The following SGCZ variants were observed in gnomAD, a reference collection of about 807,000 sequenced individuals.
SGCZ encodes sarcoglycan zeta.
Under a neutral mutation model 41.3 loss-of-function variants are expected in SGCZ, and 40 were observed. The ratio of observed to expected loss-of-function variants is 0.97; its 90% CI spans 0.75 to 1.26. The LOEUF is 1.26. Among genes scored for constraint, SGCZ ranks in the 50% most tolerant of loss-of-function variants. SGCZ has a pLI of 0.00. For missense variants in SGCZ, 552 were observed against 369.8 expected (o/e 1.49, Z -4.04); for synonymous variants, 206 against 137.5 (o/e 1.50, Z -3.49).
At chr8:14,321,696 C>G (rs1298940602) in intron 3 of SGCZ, among the ~76,000 whole-genome samples, 1 of 152,088 alleles carries the variant, frequency 6.6e-6, no homozygotes, top group Admixed American at 6.6e-5. Context: ...CTCAGCTTCA[C>G]TGAATCTTCC....
At chr8:14,309,473 G>C in intron 3 of SGCZ, 3 of 1,605,980 alleles carry the variant, frequency 1.9e-6, no homozygotes, top group Non-Finnish European at 2.6e-6. Context: ...TGTATGTGGC[G>C]CTGTTGTTAA....
At chr8:14,673,850 A>G (rs2117518245) in intron 1 of SGCZ, among the ~76,000 whole-genome samples, 1 of 152,336 alleles carries the variant, frequency 6.6e-6, no homozygotes, top group Middle Eastern at 3.4e-3. Flanking sequence ...GAAAACTAAA[A>G]GTAAACACAA....
At chr8:14,176,703 G>T (rs1048004584) in intron 4 of SGCZ, among the ~76,000 whole-genome samples, 1 of 152,104 alleles carries the variant, frequency 6.6e-6, no homozygotes, top group Admixed American at 6.5e-5. Flanking sequence ...GGTTCAAGTG[G>T]GTGGGGGGCC....
intron 2 of SGCZ, among the ~76,000 whole-genome samples, chr8:14,457,235 G>T (rs905716026): frequency 2.0e-5 from 3 of 152,186 alleles, no homozygotes; most frequent in African/African-American, 7.2e-5. Context: ...ACAGAGATAG[G>T]AGCTGAGGGG....
chr8:14,368,323 T>G (rs370205136), intron 2 of SGCZ, among the ~76,000 whole-genome samples: 1 of 152,050 alleles, frequency 6.6e-6, no homozygotes, highest in African/African-American at 2.4e-5. Context: ...TAAGAAAAGA[T>G]ATTTAGAAGA....
intron 1 of SGCZ, among the ~76,000 whole-genome samples, chr8:14,610,977 C>G (rs1355264255): frequency 1.3e-5 from 2 of 152,002 alleles, no homozygotes; most frequent in Non-Finnish European, 2.9e-5. Context: ...TTCCTGTTTT[C>G]TTTGATAGGC....
At chr8:15,156,057 CA>C (rs67378130) in intron 1 of SGCZ, among the ~76,000 whole-genome samples, 40,177 of 110,654 alleles carry the variant, frequency 0.36, 7,324 homozygotes, top group Middle Eastern at 0.46. Flanking sequence ...GATTCCCTCT[CA>C]AAAAAAAAAA....
chr8:14,548,013 G>C (rs993819499), intron 2 of SGCZ, among the ~76,000 whole-genome samples: 31 of 152,128 alleles, frequency 2.0e-4, no homozygotes, highest in African/African-American at 7.5e-4. Flanking sequence ...AAGATGGAAG[G>C]GCAGAATATG....
intron 4 of SGCZ, among the ~76,000 whole-genome samples, chr8:14,196,212 A>T (rs1258983569): frequency 1.3e-5 from 2 of 152,064 alleles, no homozygotes; most frequent in African/African-American, 4.8e-5. Context: ...TAAAATAATG[A>T]AGCAACTAAA....
At chr8:15,079,784 T>G (rs1417003367) in intron 1 of SGCZ, among the ~76,000 whole-genome samples, 1 of 152,086 alleles carries the variant, frequency 6.6e-6, no homozygotes, top group Non-Finnish European at 1.5e-5. Context: ...ATTAAATAGG[T>G]ATATTGTGTG....
At chr8:14,931,769 G>T (rs1799928707) in intron 1 of SGCZ, among the ~76,000 whole-genome samples, 1 of 151,922 alleles carries the variant, frequency 6.6e-6, no homozygotes, top group Non-Finnish European at 1.5e-5. Flanking sequence ...TTGTCCAAGG[G>T]TTGAACATTT....
intron 1 of SGCZ, among the ~76,000 whole-genome samples, chr8:15,059,005 C>T (rs867389752): frequency 3.9e-5 from 6 of 152,016 alleles, no homozygotes; most frequent in Admixed American, 2.6e-4. Context: ...CTCTCTGGGT[C>T]ACATTTTTTA....
At chr8:14,194,183 G>C (rs1215348203) in intron 4 of SGCZ, among the ~76,000 whole-genome samples, 1 of 151,732 alleles carries the variant, frequency 6.6e-6, no homozygotes, top group Non-Finnish European at 1.5e-5. Context: ...GCCTTTAAAA[G>C]GTAAATATTA....
rs569833933 is a variant in SGCZ at position 14,190,169 on chromosome 8, C to T, written c.425-25467G>A. Among the ~76,000 whole-genome samples the T allele has an allele frequency of 3.1e-4, 47 of 151,776 alleles. No individual in the cohort carries two copies. In the East Asian group the frequency reaches 7.4e-3, roughly 24 times the overall value. On this transcript the variant is annotated intron_variant, in intron 4 of 7. Coordinates refer to ENST00000382080, the MANE Select transcript of SGCZ (RefSeq NM_139167.4). Reference sequence around the variant, plus strand: ...CTGGGACTACAGGCGCCCGCCACCACGCCCGGCTAATTCTTTGTATTTTTA... The same window carrying T: ...CTGGGACTACAGGCGCCCGCCACCATGCCCGGCTAATTCTTTGTATTTTTA...
chr8:14,489,238 G>T (rs946632129), intron 2 of SGCZ, among the ~76,000 whole-genome samples: 11 of 151,916 alleles, frequency 7.2e-5, no homozygotes. Flanking sequence ...CGGGAACAAC[G>T]ATTTGTAAAA....
At chr8:14,448,779 T>C (rs903663729) in intron 2 of SGCZ, among the ~76,000 whole-genome samples, 7 of 152,094 alleles carry the variant, frequency 4.6e-5, no homozygotes, top group Admixed American at 6.6e-5. Context: ...CTCTCCTCAG[T>C]TCAACGTCTG....
intron 1 of SGCZ, among the ~76,000 whole-genome samples, chr8:14,972,415 T>G (rs1253767373): frequency 1.3e-5 from 2 of 152,192 alleles, no homozygotes; most frequent in African/African-American, 4.8e-5. Flanking sequence ...AATGTGTGTT[T>G]CTTGTAGGCA....
At chr8:15,051,601 T>C (rs1804515724) in intron 1 of SGCZ, among the ~76,000 whole-genome samples, 1 of 152,174 alleles carries the variant, frequency 6.6e-6, no homozygotes, top group Non-Finnish European at 1.5e-5. Flanking sequence ...TTTTCCAAAG[T>C]ACTTGTTCCA....
chr8:14,145,908 A>C (rs79255543), intron 5 of SGCZ, among the ~76,000 whole-genome samples: 1 of 152,170 alleles, frequency 6.6e-6, no homozygotes, highest in Non-Finnish European at 1.5e-5. Context: ...AGAGGAGGCA[A>C]AAGAATAAAA....
Sources: allele counts gnomAD v4.1 joint callset (sites outside exome capture counted in the v4.1 genomes callset), GRCh38; gene constraint gnomAD v4.1.1; transcripts MANE v1.5; gene names NCBI Gene and HGNC (gene_info 2026-07-23, HGNC 2026-07-21).